Variants in SCLT1 observed in about 807,000 individuals in gnomAD.
SCLT1 encodes sodium channel and clathrin linker 1, also known as sodium channel-associated protein 1.
SCLT1 carries 78 observed loss-of-function variants against 112.8 expected under a neutral mutation model. The ratio of observed to expected loss-of-function variants is 0.69; its 90% CI spans 0.58 to 0.83. The LOEUF is 0.83. SCLT1 is among the 40% of genes least tolerant of loss of function. The probability of loss-of-function intolerance (pLI) is 0.00; values close to 1 mark genes in which losing one functional copy is unlikely to be tolerated. For synonymous variants in SCLT1, 257 were observed against 254.7 expected, an observed-to-expected ratio of 1.01 and a Z score of -0.09; for missense variants, 747 against 770.4, an observed-to-expected ratio of 0.97 and a Z score of 0.36.
chr4:129,066,108 G>C (rs1012570018), intron 2 of SCLT1, among the ~76,000 whole-genome samples: 1 of 152,008 alleles, frequency 6.6e-6, no homozygotes, highest in Non-Finnish European at 1.5e-5. Context: ...ATATATGCTA[G>C]TGAGGAACTT....
intron 5 of SCLT1, among the ~76,000 whole-genome samples, chr4:129,019,353 T>G (rs1295290966): frequency 6.6e-6 from 1 of 152,202 alleles, no homozygotes; most frequent in Non-Finnish European, 1.5e-5. Context: ...TGAATTTGTC[T>G]CCAACAAAAG....
At chr4:128,978,101 G>C (rs980112256) in intron 9 of SCLT1, among the ~76,000 whole-genome samples, 1 of 152,140 alleles carries the variant, frequency 6.6e-6, no homozygotes, top group African/African-American at 2.4e-5. Flanking sequence ...GTAAGATAGA[G>C]AGACCCTCTA....
At chr4:128,911,896 A>T (rs1362366876) in intron 18 of SCLT1, among the ~76,000 whole-genome samples, 3 of 152,244 alleles carry the variant, frequency 2.0e-5, no homozygotes, top group Non-Finnish European at 4.4e-5. Flanking sequence ...ACAGCCAAGT[A>T]CTTTCAAGAT....
rs73850027 is a variant in SCLT1 at position 128,904,990 on chromosome 4, T to C, written c.1830-13853A>G. Among the ~76,000 whole-genome samples the C allele has an allele frequency of 3.8e-3, 575 of 152,312 alleles. 1 individual carries two copies. Among genetic ancestry groups the C allele is most frequent in the African/African-American group, 0.011 (476 of 41,580 alleles). Reference sequence around the variant, plus strand: ...TTTACACTTTCCCCCTAAGTGATCTTGTCTAGTCCATGACTGTAAATATAA... The same window carrying C: ...TTTACACTTTCCCCCTAAGTGATCTCGTCTAGTCCATGACTGTAAATATAA... On this transcript the variant is annotated intron_variant, in intron 18 of 20. Transcript: ENST00000281142.
At chr4:128,960,481 C>T (rs1739591192) in intron 11 of SCLT1, among the ~76,000 whole-genome samples, 2 of 152,126 alleles carry the variant, frequency 1.3e-5, no homozygotes, top group African/African-American at 4.8e-5. Flanking sequence ...CCTCATTTCA[C>T]TGTTAATCTG....
chr4:129,050,257 T>A (rs1004714555), intron 2 of SCLT1, among the ~76,000 whole-genome samples: 1 of 152,248 alleles, frequency 6.6e-6, no homozygotes, highest in Non-Finnish European at 1.5e-5. Flanking sequence ...TACACAGTAA[T>A]TGGATTGCTG....
intron 18 of SCLT1, among the ~76,000 whole-genome samples, chr4:128,902,265 A>C (rs989239083): frequency 2.6e-5 from 4 of 152,198 alleles, no homozygotes; most frequent in African/African-American, 9.7e-5. Context: ...TGCTTTACAA[A>C]TCCAAATGGA....
intron 1 of SCLT1, among the ~76,000 whole-genome samples, chr4:129,086,977 A>G (rs977803413): frequency 2.0e-5 from 3 of 152,222 alleles, no homozygotes; most frequent in African/African-American, 7.2e-5. Flanking sequence ...CTTATAGTAC[A>G]CTAGACATCA....
intron 5 of SCLT1, among the ~76,000 whole-genome samples, chr4:129,038,723 C>T (rs942939505): frequency 3.3e-5 from 5 of 152,130 alleles, no homozygotes; most frequent in African/African-American, 9.7e-5. Context: ...TTATATACTA[C>T]ATTATTGATT....
At chr4:128,992,681 A>G (rs36101862) in intron 8 of SCLT1, among the ~76,000 whole-genome samples, 4,707 of 152,120 alleles carry the variant, frequency 0.031, 92 homozygotes, top group South Asian at 0.053. Context: ...AGTTACTCAC[A>G]GTGTTAACTT....
rs781074061 is a variant in SCLT1 at position 128,952,839 on chromosome 4, A to T, written c.1148T>A (p.Val383Asp). 2.0e-6 allele frequency: 3 copies of T among 1,482,216 alleles called. No individual in the cohort carries two copies. The Admixed American group carries it at 5.0e-5, about 25-fold the overall frequency. The allele number at this position is 1,482,216 out of a possible 1,614,324, so 91.8% of individuals were successfully genotyped here. Reference sequence around the variant, plus strand: ...ATTACATTGTTTTTTGGTGTTTGCAACCTGTAAATTAAGACATTTACTCAT... The same window carrying T: ...ATTACATTGTTTTTTGGTGTTTGCATCCTGTAAATTAAGACATTTACTCAT... ...QDATIRTKKE[V>D]ANTKKQCNIQ... The change falls in exon 14 of 21, where the codon GTT becomes GAT. Residue 383 changes from valine to aspartate, a missense_variant and splice_region_variant. Val to Asp is a radical substitution (Grantham distance 152). Around this residue, in one of 2 missense-constraint regions of SCLT1, gnomAD observed 723 missense variants for 721.3 expected, o/e 1.00. Coordinates refer to ENST00000281142, the MANE Select transcript of SCLT1 (RefSeq NM_144643.4).
chr4:128,907,689 A>ATAC (rs1734791684), intron 18 of SCLT1, among the ~76,000 whole-genome samples: 1 of 152,164 alleles, frequency 6.6e-6, no homozygotes, highest in African/African-American at 2.4e-5. Flanking sequence ...TATAATAATA[A>ATAC]TTGGCCCATT....
chr4:128,882,215 G>A (rs1223855903), downstream of SCLT1, among the ~76,000 whole-genome samples: 2 of 152,022 alleles, frequency 1.3e-5, no homozygotes, highest in Non-Finnish European at 2.9e-5. Flanking sequence ...CAAATTCTAT[G>A]TTCTATAAAT....
chr4:128,885,084 G>A (rs1347534139), intron 20 of SCLT1, among the ~76,000 whole-genome samples: 3 of 152,152 alleles, frequency 2.0e-5, no homozygotes, highest in South Asian at 2.1e-4. Flanking sequence ...CCAGATGGAT[G>A]AAAAACATCT....
In SCLT1 at chr4:128,954,894, C is replaced by T. The variant is rs183682991; in HGVS notation, c.1147-2054G>A. On this transcript the variant is annotated intron_variant, in intron 13 of 20. Coordinates refer to ENST00000281142, the MANE Select transcript of SCLT1 (RefSeq NM_144643.4). ...CATAAAAATTTTGGTTCTTATAAGC[C>T]TGTCATGTCTGTCGCTCTCTCACAT... Among the ~76,000 whole-genome samples the T allele has an allele frequency of 5.8e-3, 877 of 152,230 alleles. 7 individuals are homozygous for T. The highest frequency in any genetic ancestry group is 0.034 in the Middle Eastern group (10 of 292).
intron 13 of SCLT1, among the ~76,000 whole-genome samples, chr4:128,956,525 T>C (rs973666070): frequency 6.6e-6 from 1 of 152,098 alleles, no homozygotes; most frequent in African/African-American, 2.4e-5. Context: ...GACAAAGTAA[T>C]AGATTTTTTT....
intron 7 of SCLT1, among the ~76,000 whole-genome samples, 190 bp from the exon 8 acceptor site, chr4:128,998,129 A>G (rs912884694): frequency 6.6e-6 from 1 of 151,888 alleles, no homozygotes; most frequent in Non-Finnish European, 1.5e-5. Context: ...TAAAAAATTA[A>G]AGTGGCAATG....
chr4:128,892,283 A>T (rs1172072785), intron 18 of SCLT1, among the ~76,000 whole-genome samples: 1 of 152,216 alleles, frequency 6.6e-6, no homozygotes, highest in Non-Finnish European at 1.5e-5. Context: ...ATTTGTGAGT[A>T]TTACATATAA....
At chr4:128,951,513 G>T (rs1373223119) in intron 14 of SCLT1, among the ~76,000 whole-genome samples, 1 of 152,082 alleles carries the variant, frequency 6.6e-6, no homozygotes, top group African/African-American at 2.4e-5. Flanking sequence ...AAAAATCCCT[G>T]GAAGTCTTAG....
Sources: allele counts gnomAD v4.1 joint callset (sites outside exome capture counted in the v4.1 genomes callset), GRCh38; gene constraint gnomAD v4.1.1; regional missense constraint gnomAD v4.1.1; transcripts MANE v1.5; gene names NCBI Gene and HGNC (gene_info 2026-07-23, HGNC 2026-07-21).